The following RABGAP1 variants were observed in gnomAD, a reference collection of about 807,000 sequenced individuals.
RABGAP1 encodes the protein rab GTPase-activating protein 1.
In RABGAP1, 23 loss-of-function variants were observed where a neutral mutation model predicts 137.6. The observed-to-expected ratio is 0.17, with a 90% CI of 0.12 to 0.24. The LOEUF (loss-of-function observed/expected upper bound fraction) is 0.24. Among genes scored for constraint, RABGAP1 ranks in the 10% least tolerant of loss-of-function variants. The pLI, the probability that RABGAP1 is intolerant of heterozygous loss-of-function variation, is 1.00. For synonymous variants in RABGAP1, 451 were observed against 450.7 expected (o/e 1.00, Z -0.01); for missense variants, 906 against 1,275.8 (o/e 0.71, Z 4.42).
At chr9:123,035,165 A>T in intron 13 of RABGAP1, 1 of 1,614,000 alleles carries the variant, frequency 6.2e-7, no homozygotes, top group Non-Finnish European at 8.5e-7. Flanking sequence ...ATGATGTTAT[A>T]TGCCCCAGCA....
chr9:123,019,521 C>T (rs1002920936), intron 12 of RABGAP1, among the ~76,000 whole-genome samples: 2 of 152,024 alleles, frequency 1.3e-5, no homozygotes, highest in African/African-American at 4.8e-5. Flanking sequence ...TGCTATATTA[C>T]CTAGGCTGGT....
At chr9:123,056,481 CTTTTTTTT>C (rs530004900) in intron 13 of RABGAP1, among the ~76,000 whole-genome samples, 3 of 131,860 alleles carry the variant, frequency 2.3e-5, no homozygotes, top group East Asian at 2.2e-4. Flanking sequence ...TTTCTTTTTT[CTTTTTTTT>C]TTTTTTTTTA....
At chr9:123,041,454 A>G (rs540838483) in intron 13 of RABGAP1, among the ~76,000 whole-genome samples, 1 of 152,364 alleles carries the variant, frequency 6.6e-6, no homozygotes, top group East Asian at 1.9e-4. Flanking sequence ...AGTAAGTGTT[A>G]TGATTCAAAT....
chr9:122,939,669 A>G (rs1833459639), upstream of RABGAP1: 1 of 152,220 alleles, frequency 6.6e-6, no homozygotes, highest in South Asian at 2.1e-4. Flanking sequence ...CAAAACGTTA[A>G]AAGTGGTTTT....
chr9:123,021,211 G>C (rs1214332902), intron 13 of RABGAP1, among the ~76,000 whole-genome samples: 1 of 146,986 alleles, frequency 6.8e-6, no homozygotes, highest in Non-Finnish European at 1.5e-5. Context: ...CAATGTGACA[G>C]AAGGTAAAAC....
chr9:122,978,805 G>A (rs1411335174), intron 2 of RABGAP1, among the ~76,000 whole-genome samples: 1 of 152,138 alleles, frequency 6.6e-6, no homozygotes. Context: ...AGCAATGTAC[G>A]AGGGTTTTCT....
chr9:122,997,721 G>T (rs1837106503), intron 9 of RABGAP1, among the ~76,000 whole-genome samples: 2 of 152,104 alleles, frequency 1.3e-5, no homozygotes, highest in Non-Finnish European at 2.9e-5. Flanking sequence ...AGTCCCCAGG[G>T]CTCTGTCCCA....
At chr9:123,029,260 A>G (rs373822449) in intron 13 of RABGAP1, 5 of 495,192 alleles carry the variant, frequency 1.0e-5, no homozygotes, top group African/African-American at 3.9e-5. Context: ...AGTTACATAA[A>G]TAAACTCACA....
intron 19 of RABGAP1, among the ~76,000 whole-genome samples, chr9:123,079,935 C>A (rs2034655437): frequency 6.6e-6 from 1 of 152,176 alleles, no homozygotes; most frequent in African/African-American, 2.4e-5. Flanking sequence ...GCTGAATCCA[C>A]AGTACCAGGA....
At position 123,104,402 on chromosome 9, in the gene RABGAP1, G is replaced by A. The variant is rs1440875859; in HGVS notation, c.*1189G>A. On this transcript the variant is annotated 3_prime_UTR_variant, in exon 26 of 26. Transcript: ENST00000373647. ...AGTTCTCACTTCAAAGCTATGGAAT[G>A]GATTTTAGCACCTTTAAAAAAAAAA... 7.5e-6 allele frequency: 1 copy of A among 132,670 alleles called. No individual in the cohort carries two copies. Among genetic ancestry groups the A allele is most frequent in the Non-Finnish European group, 1.6e-5 (1 of 62,950 alleles). 8.2% of individuals were successfully genotyped at this position (132,670 alleles called of 1,614,324 possible). A position where few individuals can be genotyped will look rare whatever the true frequency, so the allele number is the denominator to read the frequency against.
chr9:122,967,709 T>C (rs539796925), intron 2 of RABGAP1, among the ~76,000 whole-genome samples: 21 of 150,236 alleles, frequency 1.4e-4, no homozygotes, highest in African/African-American at 5.2e-4. Context: ...AGAACAACTT[T>C]TTTTGCTGTC....
intron 13 of RABGAP1, among the ~76,000 whole-genome samples, chr9:123,050,299 A>G (rs1404488906): frequency 5.9e-5 from 9 of 152,240 alleles, no homozygotes; most frequent in Non-Finnish European, 1.2e-4. Flanking sequence ...TTTTTGGTCC[A>G]GGTTTTGAAT....
At chr9:123,083,779 C>T (rs564388007) in intron 19 of RABGAP1, among the ~76,000 whole-genome samples, 2 of 152,296 alleles carry the variant, frequency 1.3e-5, no homozygotes, top group South Asian at 2.1e-4. Context: ...AGGTTAACAT[C>T]GCAGGGTTGT....
chr9:123,101,882 A>C, intron 25 of RABGAP1, 119 bp downstream of exon 25: 2 of 1,053,776 alleles, frequency 1.9e-6, no homozygotes, highest in Non-Finnish European at 2.6e-6. Flanking sequence ...CTTTGGTCAC[A>C]GTTGTCATGA....
chr9:122,957,126 G>A lies in RABGAP1; in HGVS notation c.67G>A (p.Glu23Lys). The A allele has an allele frequency of 6.4e-7, 1 of 1,573,134 alleles. No individual in the cohort carries two copies. The highest frequency in any genetic ancestry group is 8.7e-7 in the Non-Finnish European group (1 of 1,151,620). ...AGACTCAGTATCTACTCTTAATAGT[G>A]AAGATTTTGTCTTGGTTTCCAGGCA... ...SSDSVSTLNS[E>K]DFVLVSRQGD... Residue 23 changes from glutamate (E) to lysine (K), a missense_variant, in exon 2 of 26, where the codon GAA becomes AAA. Glu to Lys is a moderately conservative substitution (Grantham distance 56, BLOSUM62 1). This residue lies in a region of RABGAP1 where 331 missense variants were observed against 358.3 expected (regional missense o/e 0.92). Transcript: ENST00000373647.
chr9:123,060,470 T>C (rs1005024172), intron 13 of RABGAP1, among the ~76,000 whole-genome samples: 8 of 152,212 alleles, frequency 5.3e-5, no homozygotes, highest in Non-Finnish European at 1.0e-4. Flanking sequence ...AGATGGACAT[T>C]TGAGGTTTCT....
intron 2 of RABGAP1, among the ~76,000 whole-genome samples, chr9:122,984,190 G>C (rs368368520): frequency 8.5e-5 from 13 of 152,216 alleles, no homozygotes; most frequent in East Asian, 5.8e-4. Flanking sequence ...TTTAATTATT[G>C]TTAGTTTAGG....
chr9:123,076,580 T>C, intron 18 of RABGAP1, 54 bp from the exon 19 acceptor site: 1 of 1,538,564 alleles, frequency 6.5e-7, no homozygotes, highest in South Asian at 1.2e-5. Context: ...AAAAACTTCT[T>C]GTGCATCCTT....
intron 8 of RABGAP1, 139 bp downstream of exon 8, chr9:122,996,744 G>A: frequency 1.3e-6 from 1 of 741,118 alleles, no homozygotes; most frequent in Non-Finnish European, 2.1e-6. Context: ...GCAAAGGTAA[G>A]ATAATTTCCT....
Sources: allele counts gnomAD v4.1 joint callset (sites outside exome capture counted in the v4.1 genomes callset), GRCh38; gene constraint gnomAD v4.1.1; regional missense constraint gnomAD v4.1.1; transcripts MANE v1.5; gene names NCBI Gene and HGNC (gene_info 2026-07-23, HGNC 2026-07-21).